The following OR1S2 variants were observed in gnomAD, a reference collection of about 807,000 sequenced individuals.
OR1S2 encodes olfactory receptor family 1 subfamily S member 2.
A neutral mutation model predicts 1.7 loss-of-function variants in OR1S2; 1 was observed. The observed-to-expected ratio is 0.59, with a 90% CI of 0.21 to 2.81. The LOEUF is 2.81. Among genes scored for constraint, OR1S2 ranks in the 30% most tolerant of loss-of-function variants. The pLI is 0.22. For missense variants in OR1S2, 391 were observed against 371.6 expected (o/e 1.05, Z -0.43); for synonymous variants, 157 against 145.3 (o/e 1.08, Z -0.58).
Position 58,203,981 on chromosome 11 carries a change from G to T in OR1S2, c.162C>A (p.Tyr54Ter), listed in dbSNP as rs531784277. 8.7e-6 allele frequency: 14 copies of T among 1,613,904 alleles called. No homozygotes were observed. The highest frequency in any genetic ancestry group is 1.1e-5 in the South Asian group (1 of 91,078). ...GGAAGAGATACATGGGGGTGTGAAGGTATATATCCAAGCTGATAGCCACAA... is the reference window on the plus strand; with the variant it reads ...GGAAGAGATACATGGGGGTGTGAAGTTATATATCCAAGCTGATAGCCACAA... Residue 54 changes from tyrosine to a stop codon, truncating the protein, a stop_gained, in exon 1 of 1, where the codon TAC (tyrosine) becomes TAA (stop). Coordinates refer to ENST00000641683, the Ensembl canonical transcript of OR1S2. LOFTEE classifies it low-confidence loss of function (END_TRUNC).
chr11:58,203,387 G>A lies in OR1S2; in HGVS notation c.756C>T (p.Tyr252=), dbSNP rs190225164. Residue 252 remains tyrosine, a synonymous_variant, in exon 1 of 1, where the codon TAC becomes TAT. Coordinates refer to ENST00000641683, the Ensembl canonical transcript of OR1S2. ...AAAAGTACACGCCTACAGTGGTTCC[G>A]TAGAACAGTAATGCAATTGTCAGGT... 151 of 1,613,992 alleles carry A rather than the reference G, an allele frequency of 9.4e-5. No homozygotes were observed. In the East Asian group the frequency reaches 2.6e-3, roughly 28 times the overall value.
Sources: allele counts gnomAD v4.1 joint callset, GRCh38; gene constraint gnomAD v4.1.1; transcripts MANE v1.5; gene names NCBI Gene and HGNC (gene_info 2026-07-23, HGNC 2026-07-21).